TNFAIP8: variants seen among roughly 807,000 people sequenced by gnomAD.
TNFAIP8 encodes TNF alpha induced protein 8.
Under a neutral mutation model 13.3 loss-of-function variants are expected in TNFAIP8, and 7 were observed. The ratio of observed to expected loss-of-function variants is 0.52; its 90% CI spans 0.30 to 0.99. TNFAIP8 has a LOEUF of 0.99. Among genes scored for constraint, TNFAIP8 ranks in the 50% least tolerant of loss-of-function variants. TNFAIP8 has a pLI of 0.07. For synonymous variants in TNFAIP8, 94 were observed against 87.6 expected (o/e 1.07, Z -0.41); for missense variants, 258 against 236.9 (o/e 1.09, Z -0.58).
At chr5:119,371,953 C>T (rs1752090513) in intron 1 of TNFAIP8, among the ~76,000 whole-genome samples, 1 of 151,922 alleles carries the variant, frequency 6.6e-6, no homozygotes. Flanking sequence ...CTGGATAACA[C>T]AGTGAAACCC....
At chr5:119,278,352 G>GAGA (rs1748519942) in intron 1 of TNFAIP8, among the ~76,000 whole-genome samples, 14 of 123,208 alleles carry the variant, frequency 1.1e-4, no homozygotes, top group African/African-American at 4.9e-4. Context: ...ACAGGAAGGG[G>GAGA]GAGAGAGAGA....
intron 1 of TNFAIP8, among the ~76,000 whole-genome samples, chr5:119,310,251 A>G (rs950708053): frequency 2.0e-5 from 3 of 151,990 alleles, no homozygotes; most frequent in African/African-American, 7.2e-5. Context: ...ATGAGGTACT[A>G]CGGCTGGTAG....
At chr5:119,291,762 G>C (rs1032390518) in intron 1 of TNFAIP8, among the ~76,000 whole-genome samples, 2 of 152,124 alleles carry the variant, frequency 1.3e-5, no homozygotes, top group African/African-American at 4.8e-5. Flanking sequence ...TCGTTGCCCG[G>C]GTAAGTATTT....
intron 1 of TNFAIP8, among the ~76,000 whole-genome samples, chr5:119,383,696 T>G (rs1345272718): frequency 6.6e-6 from 1 of 152,188 alleles, no homozygotes; most frequent in African/African-American, 2.4e-5. Context: ...CAAATCTAAG[T>G]TGTCTCTTGG....
intron 1 of TNFAIP8, among the ~76,000 whole-genome samples, chr5:119,381,776 T>C (rs1192080784): frequency 6.6e-6 from 1 of 151,758 alleles, no homozygotes; most frequent in East Asian, 1.9e-4. Context: ...CTACTAAAAA[T>C]ACAAAATTAG....
At chr5:119,361,766 C>A (rs1268988622) in intron 1 of TNFAIP8, among the ~76,000 whole-genome samples, 1 of 152,166 alleles carries the variant, frequency 6.6e-6, no homozygotes, top group Non-Finnish European at 1.5e-5. Context: ...TTCATGTGGC[C>A]TACGCAGCCA....
At chr5:119,391,052 A>G (rs1387951540) in intron 1 of TNFAIP8, among the ~76,000 whole-genome samples, 1 of 150,796 alleles carries the variant, frequency 6.6e-6, no homozygotes, top group Non-Finnish European at 1.5e-5. Flanking sequence ...GCTGGTGTCA[A>G]ACTCCTGGGC....
At chr5:119,295,306 A>G (rs1464709528) in intron 1 of TNFAIP8, among the ~76,000 whole-genome samples, 2 of 150,496 alleles carry the variant, frequency 1.3e-5, no homozygotes, top group Admixed American at 1.3e-4. Flanking sequence ...TAATTTTTGT[A>G]TAAGGTGTAA....
intron 1 of TNFAIP8, among the ~76,000 whole-genome samples, chr5:119,276,146 C>A (rs973718858): frequency 1.3e-5 from 2 of 149,972 alleles, no homozygotes; most frequent in African/African-American, 4.9e-5. Context: ...GAGTTGGAGT[C>A]TTGCTCTGTC....
intron 1 of TNFAIP8, among the ~76,000 whole-genome samples, chr5:119,308,364 A>G (rs1458583212): frequency 7.6e-6 from 1 of 131,456 alleles, no homozygotes; most frequent in East Asian, 2.2e-4. Context: ...TTTGAAATCT[A>G]TATTTTTCTC....
intron 1 of TNFAIP8, among the ~76,000 whole-genome samples, chr5:119,327,761 G>A (rs539287493): frequency 8.5e-5 from 13 of 152,216 alleles, no homozygotes; most frequent in East Asian, 7.7e-4. Context: ...GCCCGGCCGC[G>A]TTATCTTAAG....
Position 119,397,949 on chromosome 5 carries a change from C to T in TNFAIP8, c.*4568C>T, listed in dbSNP as rs1262195746. ...TTCCACGTAGCAAAGAACATCAGCC[C>T]CACGTTATAGGGAACAAGCGAGTCC... On this transcript the variant is annotated 3_prime_UTR_variant, in exon 2 of 2. Transcript: ENST00000504771. 1 of 152,314 alleles carries T rather than the reference C, an allele frequency of 6.6e-6. No homozygotes were observed. Among genetic ancestry groups the T allele is most frequent in the East Asian group, 1.9e-4 (1 of 5,194 alleles). 9.4% of individuals were successfully genotyped at this position (152,314 alleles called of 1,614,324 possible). A position where few individuals can be genotyped will look rare whatever the true frequency, so the allele number is the denominator to read the frequency against.
At position 119,393,433 on chromosome 5, in the gene TNFAIP8, T is replaced by G. The variant is rs1183762099; in HGVS notation, c.*52T>G. Reference sequence around the variant, plus strand: ...CATGATTTATTTGAAGATGGAGCACTGCTGATTTATGAAGGAAAAAAGAAG... The same window carrying G: ...CATGATTTATTTGAAGATGGAGCACGGCTGATTTATGAAGGAAAAAAGAAG... On this transcript the variant is annotated 3_prime_UTR_variant, in exon 2 of 2. Coordinates refer to ENST00000504771, the MANE Select transcript of TNFAIP8 (RefSeq NM_014350.4). The G allele has an allele frequency of 2.0e-6, 3 of 1,470,946 alleles. No individual in the cohort carries two copies. Among genetic ancestry groups the G allele is most frequent in the Admixed American group, 4.1e-5 (2 of 48,304 alleles). 91.1% of individuals were successfully genotyped at this position (1,470,946 alleles called of 1,614,324 possible).
intron 1 of TNFAIP8, among the ~76,000 whole-genome samples, chr5:119,360,533 T>C (rs1483059921): frequency 6.6e-6 from 1 of 152,210 alleles, no homozygotes; most frequent in Non-Finnish European, 1.5e-5. Flanking sequence ...TCCCACCAAA[T>C]ACACATAGAA....
intron 1 of TNFAIP8, among the ~76,000 whole-genome samples, chr5:119,280,199 C>T (rs1296732962): frequency 6.6e-6 from 1 of 152,136 alleles, no homozygotes; most frequent in Non-Finnish European, 1.5e-5. Context: ...ACATCCCATC[C>T]TGATCACATT....
intron 1 of TNFAIP8, among the ~76,000 whole-genome samples, chr5:119,363,167 G>T (rs1751698018): frequency 6.6e-6 from 1 of 152,256 alleles, no homozygotes; most frequent in Non-Finnish European, 1.5e-5. Flanking sequence ...AAGCCAGAAA[G>T]GCGAGAGCCC....
intron 1 of TNFAIP8, among the ~76,000 whole-genome samples, chr5:119,335,478 C>G (rs1195044876): frequency 1.3e-5 from 2 of 152,116 alleles, no homozygotes; most frequent in African/African-American, 2.4e-5. Context: ...TACCGCATCT[C>G]GCTCTGGGCC....
chr5:119,291,876 A>T (rs1748999051), intron 1 of TNFAIP8, among the ~76,000 whole-genome samples: 1 of 152,244 alleles, frequency 6.6e-6, no homozygotes, highest in Non-Finnish European at 1.5e-5. Flanking sequence ...TAAAAGAATG[A>T]AAATCAGGAA....
intron 1 of TNFAIP8, among the ~76,000 whole-genome samples, chr5:119,374,930 G>A (rs1017283699): frequency 2.6e-5 from 4 of 152,044 alleles, no homozygotes; most frequent in African/African-American, 9.7e-5. Context: ...CAATTTTGGG[G>A]GTGATGGACA....
Sources: allele counts gnomAD v4.1 joint callset (sites outside exome capture counted in the v4.1 genomes callset), GRCh38; gene constraint gnomAD v4.1.1; transcripts MANE v1.5; gene names NCBI Gene and HGNC (gene_info 2026-07-23, HGNC 2026-07-21).